Variants in ARL15 observed in about 807,000 individuals in gnomAD.
ARL15 encodes ARF like GTPase 15.
A neutral mutation model predicts 25.2 loss-of-function variants in ARL15; 19 were observed. That is an observed-to-expected ratio of 0.75 (90% CI 0.53 to 1.10). The LOEUF is 1.10. ARL15 is among the 50% of genes least tolerant of loss of function. The pLI is 0.00. For synonymous variants in ARL15, 94 were observed against 86.8 expected, an observed-to-expected ratio of 1.08 and a Z score of -0.46; for missense variants, 220 against 246.0, an observed-to-expected ratio of 0.89 and a Z score of 0.71.
chr5:53,938,361 C>T (rs1746419763), intron 4 of ARL15, among the ~76,000 whole-genome samples: 1 of 152,182 alleles, frequency 6.6e-6, no homozygotes, highest in African/African-American at 2.4e-5. Context: ...AACTTCCCTA[C>T]CACATGTCTG....
chr5:54,017,513 G>A (rs1000901905), intron 4 of ARL15, among the ~76,000 whole-genome samples: 1 of 151,092 alleles, frequency 6.6e-6, no homozygotes, highest in Non-Finnish European at 1.5e-5. Flanking sequence ...TACCAGCTCA[G>A]GTTGACATTC....
At chr5:53,894,254 T>C (rs1214052349) in intron 4 of ARL15, among the ~76,000 whole-genome samples, 1 of 152,366 alleles carries the variant, frequency 6.6e-6, no homozygotes, top group East Asian at 1.9e-4. Flanking sequence ...TCACCTGTGA[T>C]TGAGCCTTGC....
intron 1 of ARL15, among the ~76,000 whole-genome samples, chr5:54,223,368 A>AT (rs569308377): frequency 3.2e-4 from 49 of 152,308 alleles, no homozygotes; most frequent in African/African-American, 1.1e-3. Context: ...TTATTAAAGA[A>AT]TATTTTCAAT....
rs147364432 is a variant in ARL15, at chr5:54,145,986, T to C, written c.253+8594A>G. ...TCCCTTTTCGTAGACTCTTTTCCTC[T>C]GTGAAGTCTCCTTTCTCCTTCCTAT... On this transcript the variant is annotated intron_variant, in intron 3 of 4. Transcript: ENST00000504924. Among the ~76,000 whole-genome samples the C allele has an allele frequency of 1.3e-3, 204 of 152,296 alleles. 2 individuals are homozygous for C. Among genetic ancestry groups the C allele is most frequent in the African/African-American group, 4.5e-3 (187 of 41,564 alleles).
At chr5:54,199,973 G>A (rs1194598345) in intron 1 of ARL15, among the ~76,000 whole-genome samples, 4 of 150,374 alleles carry the variant, frequency 2.7e-5, no homozygotes, top group Non-Finnish European at 4.4e-5. Context: ...CATAAAAAAT[G>A]ATGAGTTCAT....
At position 54,037,639 on chromosome 5, in the gene ARL15, C is replaced by T. The variant is rs190343594; in HGVS notation, c.462+75563G>A. Reference sequence around the variant, plus strand: ...TTCAAAGGTTTTAGTATGCTTGACCCAGGACTATTGGCAACCATTGTGAAC... The same window carrying T: ...TTCAAAGGTTTTAGTATGCTTGACCTAGGACTATTGGCAACCATTGTGAAC... On this transcript the variant is annotated intron_variant, in intron 4 of 4. Coordinates refer to ENST00000504924, the MANE Select transcript of ARL15 (RefSeq NM_019087.3). Among the ~76,000 whole-genome samples the T allele has an allele frequency of 1.5e-3, 222 of 152,116 alleles. 3 individuals are homozygous for T. The highest frequency in any genetic ancestry group is 1.5e-3 in the Non-Finnish European group (104 of 67,940).
intron 1 of ARL15, among the ~76,000 whole-genome samples, chr5:54,290,269 T>C (rs1376396530): frequency 6.6e-6 from 1 of 152,050 alleles, no homozygotes; most frequent in Non-Finnish European, 1.5e-5. Context: ...AGTTTTAGTC[T>C]ACATTATATA....
At chr5:54,214,781 T>G (rs550283577) in intron 1 of ARL15, among the ~76,000 whole-genome samples, 32 of 152,320 alleles carry the variant, frequency 2.1e-4, no homozygotes, top group African/African-American at 7.7e-4. Flanking sequence ...TAAACCCTCA[T>G]GTCTCTCACT....
intron 1 of ARL15, among the ~76,000 whole-genome samples, chr5:54,285,059 C>T (rs1758151946): frequency 6.6e-6 from 1 of 152,106 alleles, no homozygotes; most frequent in African/African-American, 2.4e-5. Context: ...AAGTAGTTAA[C>T]TATTTCCAAT....
chr5:54,088,811 CA>C lies in ARL15; in HGVS notation c.462+24390del, dbSNP rs1263817862. On this transcript the variant is annotated intron_variant, in intron 4 of 4. Coordinates refer to ENST00000504924, the MANE Select transcript of ARL15 (RefSeq NM_019087.3). ...CTCTTTTCTAATTAGCCTTGGCAAT[CA>C]AGTAGTTTATTAAAATAAAAAAGTC... Among the ~76,000 whole-genome samples, 4 of 152,168 alleles carry C rather than the reference CA, an allele frequency of 2.6e-5. No individual in the cohort carries two copies. The East Asian group carries it at 7.7e-4, about 29-fold the overall frequency.
Position 53,884,347 on chromosome 5 carries a change from C to T in ARL15, c.*2214G>A, listed in dbSNP as rs1024677934. 3.5e-5 allele frequency: 5 copies of T among 143,438 alleles called. No homozygotes were observed. Among genetic ancestry groups the T allele is most frequent in the African/African-American group, 1.0e-4 (4 of 38,342 alleles). The allele number at this position is 143,438 out of a possible 1,614,324, so 8.9% of individuals were successfully genotyped here. A position where few individuals can be genotyped will look rare whatever the true frequency, so the allele number is the denominator to read the frequency against. ...GTAGGAAAAGGGACTTACACTCCCA[C>T]CCCCAGCCATCCCACCCACCCCACC... On this transcript the variant is annotated 3_prime_UTR_variant, in exon 5 of 5. Coordinates refer to ENST00000504924, the MANE Select transcript of ARL15 (RefSeq NM_019087.3).
chr5:54,119,998 G>A (rs1291342985), intron 3 of ARL15, among the ~76,000 whole-genome samples: 1 of 152,164 alleles, frequency 6.6e-6, no homozygotes, highest in Non-Finnish European at 1.5e-5. Context: ...TACACTGGAA[G>A]AACCATATGG....
intron 4 of ARL15, among the ~76,000 whole-genome samples, chr5:53,902,450 T>C (rs948855789): frequency 6.6e-6 from 1 of 152,246 alleles, no homozygotes; most frequent in Admixed American, 6.5e-5. Context: ...AAACAGTTTA[T>C]ACACACAAGG....
chr5:54,026,245 C>T (rs534809412), intron 4 of ARL15, among the ~76,000 whole-genome samples: 1 of 152,230 alleles, frequency 6.6e-6, no homozygotes, highest in South Asian at 2.1e-4. Flanking sequence ...CTGTCACATA[C>T]CAAAATTATA....
chr5:54,019,822 C>T (rs370788103), intron 4 of ARL15, among the ~76,000 whole-genome samples: 1 of 152,162 alleles, frequency 6.6e-6, no homozygotes, highest in South Asian at 2.1e-4. Flanking sequence ...AATGTAAGCA[C>T]CATCTATTTC....
chr5:54,112,576 C>A (rs1579811013), intron 4 of ARL15, among the ~76,000 whole-genome samples: 1 of 152,300 alleles, frequency 6.6e-6, no homozygotes, highest in South Asian at 2.1e-4. Context: ...CTCATTACTG[C>A]AGTACCATGA....
intron 4 of ARL15, among the ~76,000 whole-genome samples, chr5:54,004,458 C>T (rs9687611): frequency 0.28 from 41,551 of 150,216 alleles, 5,975 homozygotes; most frequent in East Asian, 0.46. Flanking sequence ...ACCGTACCAC[C>T]GCACTCCAGC....
At chr5:54,262,856 A>T (rs1031850780) in intron 1 of ARL15, among the ~76,000 whole-genome samples, 6 of 152,222 alleles carry the variant, frequency 3.9e-5, no homozygotes, top group African/African-American at 1.4e-4. Context: ...AATGAAATTC[A>T]GTGGAATGAA....
intron 1 of ARL15, among the ~76,000 whole-genome samples, chr5:54,302,155 C>T (rs541737823): frequency 6.6e-6 from 1 of 152,292 alleles, no homozygotes; most frequent in East Asian, 1.9e-4. Flanking sequence ...TCACAGGCAA[C>T]CAGGTGACAG....
Sources: gnomAD v4.1 joint callset for allele counts (sites outside exome capture counted in the v4.1 genomes callset) on GRCh38, gnomAD v4.1.1 for gene constraint, MANE v1.5 for transcripts, NCBI Gene and HGNC (gene_info 2026-07-23, HGNC 2026-07-21) for gene names.